The following CYLC1 variants were observed in gnomAD, a reference collection of about 807,000 sequenced individuals.
The protein encoded by CYLC1 is cylicin 1, also known as cylicin-1.
In CYLC1, 2 loss-of-function variants were observed where a neutral mutation model predicts 31.6. The ratio of observed to expected loss-of-function variants is 0.06; its 90% CI spans 0.03 to 0.20. The LOEUF (loss-of-function observed/expected upper bound fraction) is 0.20. Among genes scored for constraint, CYLC1 ranks in the 10% least tolerant of loss-of-function variants. CYLC1 has a pLI of 1.00. For missense variants in CYLC1, 595 were observed against 424.1 expected, an observed-to-expected ratio of 1.40 and a Z score of -3.54; for synonymous variants, 185 against 153.0, an observed-to-expected ratio of 1.21 and a Z score of -1.54.
At chrX:83,864,427 A>G (rs2031562625) in intron 1 of CYLC1, among the ~76,000 whole-genome samples, 1 of 110,814 alleles carries the variant, frequency 9.0e-6, no homozygotes, top group Non-Finnish European at 1.9e-5. Context: ...TTCCACTTAA[A>G]AAATCCCTTT....
intron 4 of CYLC1, among the ~76,000 whole-genome samples, chrX:83,876,194 C>T (rs1182801535): frequency 9.1e-6 from 1 of 110,388 alleles, no homozygotes; most frequent in Admixed American, 9.8e-5. Context: ...GCCTGGGTTT[C>T]AAGTCTAGCT....
chrX:83,878,718 G>A (rs1437693219), intron 4 of CYLC1, among the ~76,000 whole-genome samples: 1 of 103,548 alleles, frequency 9.7e-6, no homozygotes, highest in Non-Finnish European at 2.0e-5. Context: ...ATTTTTTTAA[G>A]TGAGGGTAGT....
chrX:83,868,469 T>G (rs2031620309), intron 1 of CYLC1, among the ~76,000 whole-genome samples: 1 of 110,878 alleles, frequency 9.0e-6, no homozygotes, highest in Non-Finnish European at 1.9e-5. Context: ...TAAATATGTG[T>G]CTACTCTACT....
chrX:83,861,888 T>A (rs2031512568), intron 1 of CYLC1, among the ~76,000 whole-genome samples: 1 of 111,257 alleles, frequency 9.0e-6, no homozygotes, highest in Admixed American at 9.5e-5. Flanking sequence ...TATATTAAAC[T>A]ATTTTGACCT....
intron 1 of CYLC1, among the ~76,000 whole-genome samples, chrX:83,864,425 A>C (rs1021503138): frequency 9.0e-6 from 1 of 110,749 alleles, no homozygotes; most frequent in African/African-American, 3.3e-5. Context: ...TTTTCCACTT[A>C]AAAAATCCCT....
At chrX:83,880,925 T>G (rs2031898917) in intron 4 of CYLC1, among the ~76,000 whole-genome samples, 1 of 112,000 alleles carries the variant, frequency 8.9e-6, no homozygotes, top group Admixed American at 9.5e-5. Flanking sequence ...ATTGATAGCA[T>G]ATTTCATTTT....
chrX:83,867,249 C>T (rs1441964195), intron 1 of CYLC1, among the ~76,000 whole-genome samples: 5 of 111,778 alleles, frequency 4.5e-5, no homozygotes, highest in Non-Finnish European at 7.5e-5. Flanking sequence ...TTCTGACCAA[C>T]AAAGTCTTCA....
At chrX:83,878,016 A>G (rs1468032402) in intron 4 of CYLC1, among the ~76,000 whole-genome samples, 8 of 66,397 alleles carry the variant, frequency 1.2e-4, no homozygotes, top group South Asian at 7.6e-4. Context: ...ATATATATAT[A>G]AAAATATATA....
At chrX:83,879,306 G>A (rs965801878) in intron 4 of CYLC1, among the ~76,000 whole-genome samples, 3 of 110,212 alleles carry the variant, frequency 2.7e-5, no homozygotes, top group Admixed American at 9.8e-5. Context: ...TAGCAGCCTG[G>A]GGTCCATTTT....
intron 1 of CYLC1, among the ~76,000 whole-genome samples, chrX:83,863,015 T>C (rs972961847): frequency 1.3e-4 from 14 of 111,844 alleles, no homozygotes; most frequent in Non-Finnish European, 2.6e-4. Context: ...CATCAACTTA[T>C]ATCACCTGTG....
chrX:83,881,699 A>C (rs750487990), intron 4 of CYLC1, among the ~76,000 whole-genome samples: 1 of 103,767 alleles, frequency 9.6e-6, no homozygotes, highest in Non-Finnish European at 2.0e-5. Flanking sequence ...TTCTGGAGGT[A>C]ATTTATTTTT....
At chrX:83,874,944 A>G (rs1427802012) in intron 4 of CYLC1, among the ~76,000 whole-genome samples, 1 of 111,145 alleles carries the variant, frequency 9.0e-6, no homozygotes, top group African/African-American at 3.3e-5. Flanking sequence ...TATACTTGGA[A>G]AAGAACAAAA....
chrX:83,883,121 A>G (rs1178516791), intron 4 of CYLC1, among the ~76,000 whole-genome samples: 1 of 110,755 alleles, frequency 9.0e-6, no homozygotes, highest in East Asian at 2.8e-4. Context: ...TTTTCTTGCA[A>G]TTGGTTTCTC....
intron 1 of CYLC1, 34 bp from the exon 2 acceptor site, chrX:83,869,831 C>T (rs937639560): frequency 2.8e-6 from 2 of 708,476 alleles, no homozygotes; most frequent in Middle Eastern, 4.3e-4. Context: ...GCCCATAATA[C>T]AAATTTAATT....
At chrX:83,862,317 G>A (rs1490859830) in intron 1 of CYLC1, among the ~76,000 whole-genome samples, 1 of 106,885 alleles carries the variant, frequency 9.4e-6, no homozygotes, top group Non-Finnish European at 1.9e-5. Flanking sequence ...GGATCACGAA[G>A]TCAGGAGATC....
Position 83,874,075 on chromosome X carries a change from A to C in CYLC1, c.1367A>C (p.Lys456Thr), listed in dbSNP as rs1187487329. 1.7e-6 allele frequency: 2 copies of C among 1,201,680 alleles called. No homozygotes were observed. The highest frequency in any genetic ancestry group is 3.5e-5 in the African/African-American group (2 of 56,544). ...TCTGAACCGAAGGGAGATTCAAAAA[A>C]GGGTAAAAAGGATGAAAAGAAGGGG... ...ADSEPKGDSK[K>T]GKKDEKKGKK... The change falls in exon 4 of 5, where the codon AAG becomes ACG. Residue 456 changes from lysine (K) to threonine (T), a missense_variant. By Grantham distance (78) the Lys-to-Thr change is moderately conservative. Transcript: ENST00000329312.
intron 1 of CYLC1, among the ~76,000 whole-genome samples, chrX:83,868,748 T>A (rs1157200874): frequency 9.0e-6 from 1 of 111,550 alleles, no homozygotes; most frequent in African/African-American, 3.2e-5. Flanking sequence ...TAATTAGTTA[T>A]GTTTCTTTGT....
rs776012322 is a variant in CYLC1 at position 83,874,473 on chromosome X, A to G, written c.1765A>G (p.Asn589Asp). ...AATGTCATCCAAAAAGACTACATTC[A>G]ATGAAAAAGGGGAAAAAGCAAGTAC... is the stretch of plus-strand genomic sequence containing the variant. ...FRMSSKKTTF[N>D]EKGEKASTGR... The change falls in exon 4 of 5, where the codon AAT becomes GAT. Residue 589 changes from asparagine (N) to aspartate (D), a missense_variant. Physicochemically the swap from Asn to Asp is conservative, Grantham distance 23 (BLOSUM62 1). Transcript: ENST00000329312. The G allele has an allele frequency of 2.5e-6, 3 of 1,209,778 alleles. No individual in the cohort carries two copies. The highest frequency in any genetic ancestry group is 3.4e-6 in the Non-Finnish European group (3 of 894,463).
intron 4 of CYLC1, among the ~76,000 whole-genome samples, chrX:83,884,158 G>A (rs2031951501): frequency 9.0e-6 from 1 of 111,692 alleles, no homozygotes; most frequent in Non-Finnish European, 1.9e-5. Context: ...GGCATGATAA[G>A]CATGATGACA....
Sources: allele counts gnomAD v4.1 joint callset (sites outside exome capture counted in the v4.1 genomes callset), GRCh38; gene constraint gnomAD v4.1.1; transcripts MANE v1.5; gene names NCBI Gene and HGNC (gene_info 2026-07-23, HGNC 2026-07-21).